Variants in WWP2 observed in about 807,000 individuals in gnomAD.
WWP2 encodes WW domain containing E3 ubiquitin protein ligase 2, also known as NEDD4-like E3 ubiquitin-protein ligase WWP2.
In WWP2, 57 loss-of-function variants were observed where a neutral mutation model predicts 121.0. The ratio of observed to expected loss-of-function variants is 0.47; its 90% CI spans 0.38 to 0.59. The LOEUF (loss-of-function observed/expected upper bound fraction) is 0.59, where lower values mean the gene tolerates loss of function less well. Ranked by LOEUF, WWP2 falls within the 20% of genes least tolerant of loss-of-function variation. The pLI is 0.00. For missense variants in WWP2, 962 were observed against 1,158.9 expected (o/e 0.83, Z 2.47); for synonymous variants, 449 against 441.3 (o/e 1.02, Z -0.22).
At chr16:69,850,197 T>C (rs372250531) in intron 6 of WWP2, among the ~76,000 whole-genome samples, 4 of 152,056 alleles carry the variant, frequency 2.6e-5, no homozygotes, top group African/African-American at 9.7e-5. Flanking sequence ...CCATCCTGGC[T>C]AACACGGTGA....
At chr16:69,817,236 G>T (rs972705826) in intron 4 of WWP2, among the ~76,000 whole-genome samples, 11 of 152,058 alleles carry the variant, frequency 7.2e-5, no homozygotes, top group Non-Finnish European at 1.0e-4. Flanking sequence ...AATGGCTACA[G>T]TAATGGGTGT....
At chr16:69,770,784 C>G (rs149756530) in intron 1 of WWP2, among the ~76,000 whole-genome samples, 2 of 152,156 alleles carry the variant, frequency 1.3e-5, no homozygotes, top group African/African-American at 4.8e-5. Flanking sequence ...TGTCTGCCAG[C>G]TGCAGAATTG....
intron 6 of WWP2, among the ~76,000 whole-genome samples, chr16:69,854,614 G>A (rs774543280): frequency 4.0e-5 from 6 of 151,878 alleles, no homozygotes; most frequent in Non-Finnish European, 7.4e-5. Flanking sequence ...GCAGTGGCAC[G>A]ATCTTGGCTC....
At position 69,893,809 on chromosome 16, in the gene WWP2, G is replaced by C. The variant is rs562999532; in HGVS notation, c.914+5560G>C. On this transcript the variant is annotated intron_variant, in intron 8 of 23. Coordinates refer to ENST00000359154, the MANE Select transcript of WWP2 (RefSeq NM_001270454.2). Reference sequence around the variant, plus strand: ...TCCACCTGCCTCGGCCTCCCAAAATGCTGGGATTACAGGAGTGAGCCACTG... The same window carrying C: ...TCCACCTGCCTCGGCCTCCCAAAATCCTGGGATTACAGGAGTGAGCCACTG... 9.3e-4 allele frequency among the ~76,000 whole-genome samples: 141 copies of C among 152,290 alleles called. 2 individuals are homozygous for C. Among genetic ancestry groups the C allele is most frequent in the African/African-American group, 3.3e-3 (137 of 41,572 alleles).
At chr16:69,791,743 C>T (rs779516462) in intron 2 of WWP2, among the ~76,000 whole-genome samples, 2 of 152,064 alleles carry the variant, frequency 1.3e-5, no homozygotes, top group Non-Finnish European at 2.9e-5. Context: ...TGGTTTCAAA[C>T]TCCTGGACTC....
chr16:69,924,990 C>T lies in WWP2; in HGVS notation c.1180-440C>T, dbSNP rs927000178. ...ATTGGAAAGGCCTGCGATATTTTTT[C>T]CCCTCCTGCGTGTGGTTCTTGGAGA... On this transcript the variant is annotated intron_variant, in intron 10 of 23. Coordinates refer to ENST00000359154, the MANE Select transcript of WWP2 (RefSeq NM_001270454.2). 1.1e-4 allele frequency: 111 copies of T among 990,058 alleles called. No homozygotes were observed. The African/African-American group carries it at 1.8e-3, about 16-fold the overall frequency. The allele number at this position is 990,058 out of a possible 1,614,324, so 61.3% of individuals were successfully genotyped here. A position where few individuals can be genotyped will look rare whatever the true frequency, so the allele number is the denominator to read the frequency against.
chr16:69,892,227 A>G (rs973080718), intron 8 of WWP2, among the ~76,000 whole-genome samples: 1 of 152,104 alleles, frequency 6.6e-6, no homozygotes, highest in Non-Finnish European at 1.5e-5. Context: ...TCTGGGGTAT[A>G]TATTTGCAGA....
At chr16:69,859,520 C>T (rs1457762642) in intron 6 of WWP2, among the ~76,000 whole-genome samples, 1 of 151,958 alleles carries the variant, frequency 6.6e-6, no homozygotes, top group East Asian at 1.9e-4. Context: ...TGCACCACTG[C>T]ACTCCAGCCT....
Position 69,820,092 on chromosome 16 carries a change from G to A in WWP2, c.341-20034G>A, listed in dbSNP as rs1245913197. Reference sequence around the variant, plus strand: ...TACAAAAAATAGGAAAATTAGCCAGGTGTGGTTGTCCACACCTGTAGTCCC... The same window carrying A: ...TACAAAAAATAGGAAAATTAGCCAGATGTGGTTGTCCACACCTGTAGTCCC... On this transcript the variant is annotated intron_variant, in intron 4 of 23. Transcript: ENST00000359154. Among the ~76,000 whole-genome samples, 5 of 152,136 alleles carry A rather than the reference G, an allele frequency of 3.3e-5. No individual in the cohort carries two copies. The East Asian group carries it at 7.7e-4, about 23-fold the overall frequency.
chr16:69,847,964 C>T (rs183640264), intron 6 of WWP2, among the ~76,000 whole-genome samples: 28 of 152,262 alleles, frequency 1.8e-4, no homozygotes, highest in Admixed American at 4.6e-4. Context: ...GGAGCTGCTC[C>T]TCCTAGCACC....
chr16:69,858,237 G>A (rs1442253050), intron 6 of WWP2, among the ~76,000 whole-genome samples: 3 of 152,068 alleles, frequency 2.0e-5, no homozygotes, highest in Non-Finnish European at 4.4e-5. Context: ...GTTTTTTTGG[G>A]GAGGAAGGGG....
chr16:69,940,057 A>C lies in WWP2; in HGVS notation c.*117A>C. ...CCCCGTGGATGTGGCCCTGTGTGGG[A>C]CCACACTGTCATCTCGCTGCTGGCA... On this transcript the variant is annotated 3_prime_UTR_variant, in exon 24 of 24. Transcript: ENST00000359154. 2.6e-6 allele frequency: 2 copies of C among 782,956 alleles called. No individual in the cohort carries two copies. The highest frequency in any genetic ancestry group is 4.0e-6 in the Non-Finnish European group (2 of 495,642). 48.5% of individuals were successfully genotyped at this position (782,956 alleles called of 1,614,324 possible).
chr16:69,767,884 C>G (rs546262396), intron 1 of WWP2, among the ~76,000 whole-genome samples: 2 of 152,320 alleles, frequency 1.3e-5, no homozygotes, highest in Middle Eastern at 3.4e-3. Flanking sequence ...GTCACCCAGG[C>G]TGAAGTACAG....
chr16:69,879,193 A>G (rs180985978), intron 7 of WWP2, among the ~76,000 whole-genome samples: 3 of 152,310 alleles, frequency 2.0e-5, no homozygotes, highest in Admixed American at 6.5e-5. Flanking sequence ...TCTAGGTACA[A>G]TTTTTAAAAA....
At chr16:69,822,194 A>G (rs1197730855) in intron 4 of WWP2, among the ~76,000 whole-genome samples, 1 of 151,982 alleles carries the variant, frequency 6.6e-6, no homozygotes, top group Non-Finnish European at 1.5e-5. Context: ...CTTAGACTTA[A>G]GAGTTTCTTC....
intron 4 of WWP2, among the ~76,000 whole-genome samples, chr16:69,800,730 A>T (rs1236764178): frequency 6.6e-6 from 1 of 151,416 alleles, no homozygotes; most frequent in African/African-American, 2.4e-5. Flanking sequence ...ATTCCCAGCT[A>T]ATTTTTGTAT....
intron 2 of WWP2, among the ~76,000 whole-genome samples, chr16:69,795,409 A>G (rs556423494): frequency 2.0e-5 from 3 of 152,072 alleles, no homozygotes; most frequent in Admixed American, 6.6e-5. Flanking sequence ...TTTAAAAATC[A>G]TATCCTTATT....
chr16:69,883,785 T>C (rs976715704), intron 7 of WWP2, among the ~76,000 whole-genome samples: 1 of 152,046 alleles, frequency 6.6e-6, no homozygotes, highest in African/African-American at 2.4e-5. Context: ...CCAGGTTGAC[T>C]CAGAGGCTCT....
At chr16:69,908,969 T>C in intron 9 of WWP2, 119 bp downstream of exon 9, 1 of 1,515,596 alleles carries the variant, frequency 6.6e-7, no homozygotes, top group Non-Finnish European at 8.8e-7. Context: ...TTATTCCGGG[T>C]CACTTGATTG....
Sources: allele counts gnomAD v4.1 joint callset (sites outside exome capture counted in the v4.1 genomes callset), GRCh38; gene constraint gnomAD v4.1.1; transcripts MANE v1.5; gene names NCBI Gene and HGNC (gene_info 2026-07-23, HGNC 2026-07-21).